Variants in PIP4K2A observed in about 807,000 individuals in gnomAD.
The protein encoded by PIP4K2A is phosphatidylinositol 5-phosphate 4-kinase type-2 alpha.
In PIP4K2A, 14 loss-of-function variants were observed where a neutral mutation model predicts 42.9. The ratio of observed to expected loss-of-function variants is 0.33; its 90% CI spans 0.22 to 0.51. The LOEUF is 0.51. PIP4K2A is among the 20% of genes least tolerant of loss of function. The pLI is 0.97. For synonymous variants in PIP4K2A, 192 were observed against 192.2 expected, an observed-to-expected ratio of 1.00 and a Z score of 0.01; for missense variants, 434 against 519.8, an observed-to-expected ratio of 0.83 and a Z score of 1.61.
intron 4 of PIP4K2A, among the ~76,000 whole-genome samples, chr10:22,590,179 C>T (rs192994397): frequency 6.6e-6 from 1 of 152,192 alleles, no homozygotes; most frequent in South Asian, 2.1e-4. Flanking sequence ...TCTCAGACTT[C>T]AACCTCTAGA....
At chr10:22,604,808 G>A (rs943415813) in intron 3 of PIP4K2A, among the ~76,000 whole-genome samples, 1 of 152,102 alleles carries the variant, frequency 6.6e-6, no homozygotes, top group African/African-American at 2.4e-5. Context: ...GTCATTTGGC[G>A]CCACATGTGC....
intron 3 of PIP4K2A, among the ~76,000 whole-genome samples, chr10:22,597,147 C>G (rs1294063121): frequency 1.3e-5 from 2 of 152,210 alleles, no homozygotes; most frequent in African/African-American, 2.4e-5. Flanking sequence ...CATTCTAGGA[C>G]TGTTCATTAC....
At chr10:22,703,292 C>G (rs972288426) in intron 1 of PIP4K2A, among the ~76,000 whole-genome samples, 2 of 152,030 alleles carry the variant, frequency 1.3e-5, no homozygotes, top group African/African-American at 4.8e-5. Context: ...ACCTGTAGTC[C>G]CAGCTACATA....
intron 1 of PIP4K2A, among the ~76,000 whole-genome samples, chr10:22,688,267 C>T (rs1419320848): frequency 6.6e-6 from 1 of 152,178 alleles, no homozygotes; most frequent in African/African-American, 2.4e-5. Context: ...GAGTAACTTA[C>T]GTACAGTATC....
At chr10:22,580,320 A>T (rs1472820636) in intron 4 of PIP4K2A, among the ~76,000 whole-genome samples, 1 of 151,990 alleles carries the variant, frequency 6.6e-6, no homozygotes. Context: ...ATCATAGACA[A>T]ATTAACAAAA....
intron 4 of PIP4K2A, among the ~76,000 whole-genome samples, chr10:22,586,722 G>A (rs1837404240): frequency 6.6e-6 from 1 of 152,012 alleles, no homozygotes; most frequent in Non-Finnish European, 1.5e-5. Context: ...GTAGAGATGA[G>A]GTTTCACCAT....
intron 3 of PIP4K2A, among the ~76,000 whole-genome samples, chr10:22,606,606 G>A (rs964024779): frequency 6.6e-6 from 1 of 152,220 alleles, no homozygotes; most frequent in Non-Finnish European, 1.5e-5. Context: ...AGGGCAGTGG[G>A]AGCACAGATC....
At chr10:22,568,906 C>A in intron 5 of PIP4K2A, 2 of 804,324 alleles carry the variant, frequency 2.5e-6, no homozygotes, top group Admixed American at 2.1e-5. Flanking sequence ...CACTGGACAC[C>A]CCTAACTATC....
At chr10:22,712,728 T>C (rs1013721662) in intron 1 of PIP4K2A, among the ~76,000 whole-genome samples, 7 of 152,176 alleles carry the variant, frequency 4.6e-5, no homozygotes, top group African/African-American at 1.7e-4. Flanking sequence ...GAAGTTAAAA[T>C]GAACTTCAGT....
chr10:22,640,393 T>C (rs1025304695), intron 1 of PIP4K2A, among the ~76,000 whole-genome samples: 1 of 152,172 alleles, frequency 6.6e-6, no homozygotes, highest in Non-Finnish European at 1.5e-5. Context: ...CACCTCCCAG[T>C]TGGGAGATTC....
chr10:22,650,580 T>C (rs548729868), intron 1 of PIP4K2A, among the ~76,000 whole-genome samples: 1 of 152,340 alleles, frequency 6.6e-6, no homozygotes, highest in Non-Finnish European at 1.5e-5. Context: ...ACTGTGATAT[T>C]GTGAACAAGC....
chr10:22,605,575 T>A (rs1373644446), intron 3 of PIP4K2A, among the ~76,000 whole-genome samples: 1 of 152,218 alleles, frequency 6.6e-6, no homozygotes, highest in Non-Finnish European at 1.5e-5. Context: ...ATGGGTTCAT[T>A]TTGGATCTCA....
chr10:22,679,230 C>A (rs79305906), intron 1 of PIP4K2A, among the ~76,000 whole-genome samples: 9,557 of 152,218 alleles, frequency 0.063, 439 homozygotes, highest in African/African-American at 0.13. Flanking sequence ...AATAAAAAGA[C>A]AACCTAATTA....
chr10:22,704,439 C>T (rs983156019), intron 1 of PIP4K2A, among the ~76,000 whole-genome samples: 2 of 151,982 alleles, frequency 1.3e-5, no homozygotes, highest in African/African-American at 2.4e-5. Context: ...TTGCCAGGTA[C>T]GGTGTCTCTA....
intron 4 of PIP4K2A, among the ~76,000 whole-genome samples, chr10:22,574,883 A>G (rs1837073896): frequency 6.6e-6 from 1 of 152,198 alleles, no homozygotes. Flanking sequence ...TAGAGAAATG[A>G]AAAGGGGTTC....
intron 3 of PIP4K2A, among the ~76,000 whole-genome samples, chr10:22,595,806 G>A (rs1837621250): frequency 6.6e-6 from 1 of 152,190 alleles, no homozygotes. Context: ...ATTGCATTTA[G>A]TCTCTTTGAG....
In PIP4K2A at chr10:22,609,691, G is replaced by A. The variant is rs1286625197; in HGVS notation, c.171C>T (p.Ile57=). Residue 57 remains isoleucine (I), a synonymous_variant, in exon 2 of 10, where the codon ATC becomes ATT. Transcript: ENST00000376573. ...HSINELSHVQ[I]PVMLMPDDFK... ...AGTCATCTGGCATCAACATAACAGG[G>A]ATTTGAACATGGCTCAGTTCATTGA... The A allele has an allele frequency of 6.2e-7, 1 of 1,606,710 alleles. No homozygotes were observed. Among genetic ancestry groups the A allele is most frequent in the Non-Finnish European group, 8.5e-7 (1 of 1,174,256 alleles).
Position 22,605,405 on chromosome 10 carries a change from T to C in PIP4K2A, c.339+2522A>G, listed in dbSNP as rs541337309. The stretch of plus-strand genomic sequence containing the variant: ...TTCTTTCAAAGTTTGTACTCAGCAA[T>C]TTGTACTGACTTCAATATCAACTTA... On this transcript the variant is annotated intron_variant, in intron 3 of 9. Transcript: ENST00000376573. Among the ~76,000 whole-genome samples, 275 of 152,334 alleles carry C rather than the reference T, an allele frequency of 1.8e-3. 1 individual carries two copies. The highest frequency in any genetic ancestry group is 6.4e-3 in the African/African-American group (268 of 41,576).
At chr10:22,618,508 T>C (rs1309906685) in intron 1 of PIP4K2A, among the ~76,000 whole-genome samples, 1 of 152,206 alleles carries the variant, frequency 6.6e-6, no homozygotes, top group African/African-American at 2.4e-5. Context: ...GGCCCTGCAG[T>C]TGTGATCAGA....
Sources: gnomAD v4.1 joint callset for allele counts (sites outside exome capture counted in the v4.1 genomes callset) on GRCh38, gnomAD v4.1.1 for gene constraint, MANE v1.5 for transcripts, NCBI Gene and HGNC (gene_info 2026-07-23, HGNC 2026-07-21) for gene names.